Variants in CREB3L4 observed in about 807,000 individuals in gnomAD.
The protein encoded by CREB3L4 is cyclic AMP-responsive element-binding protein 3-like protein 4.
A neutral mutation model predicts 37.0 loss-of-function variants in CREB3L4; 28 were observed. That is an observed-to-expected ratio of 0.76 (90% CI 0.56 to 1.04). The LOEUF is 1.04. Ranked by LOEUF, CREB3L4 falls within the 50% of genes least tolerant of loss-of-function variation. The probability of loss-of-function intolerance (pLI) is 0.00; values close to 1 mark genes in which losing one functional copy is unlikely to be tolerated. For missense variants in CREB3L4, 462 were observed against 486.0 expected, an observed-to-expected ratio of 0.95 and a Z score of 0.46; for synonymous variants, 175 against 192.2, an observed-to-expected ratio of 0.91 and a Z score of 0.74.
At chr1:153,968,409 G>A (rs1404329664) in intron 1 of CREB3L4, 113 bp from the exon 2 acceptor site, 3 of 900,504 alleles carry the variant, frequency 3.3e-6, no homozygotes, top group Non-Finnish European at 5.0e-6. Context: ...TGAGGAAGGA[G>A]TGGGGGGGCG....
chr1:153,972,855 G>T lies in CREB3L4; in HGVS notation c.636+19G>T. On this transcript the variant is annotated intron_variant, in intron 5 of 9. Coordinates refer to ENST00000368607, the MANE Select transcript of CREB3L4 (RefSeq NM_001255978.2). ...CACCAAGGTAACATGCTTCCCCTAA[G>T]GGTATCCCAACCCAGGGGCCTCACC... The T allele has an allele frequency of 6.2e-7, 1 of 1,612,012 alleles. No individual in the cohort carries two copies. The highest frequency in any genetic ancestry group is 1.1e-5 in the South Asian group (1 of 90,976).
At chr1:153,973,779 G>A in intron 9 of CREB3L4, 63 bp downstream of exon 9, 2 of 1,558,442 alleles carry the variant, frequency 1.3e-6, no homozygotes, top group Non-Finnish European at 1.8e-6. Flanking sequence ...TGTTCTCCAA[G>A]GTCGTCAAGA....
intron 2 of CREB3L4, 78 bp downstream of exon 2, chr1:153,968,777 C>T: frequency 1.9e-6 from 3 of 1,583,030 alleles, no homozygotes; most frequent in Non-Finnish European, 2.6e-6. Flanking sequence ...CACTTGGAGA[C>T]AGGTCTGAAA....
chr1:153,973,000 G>A lies in CREB3L4; in HGVS notation c.665G>A (p.Arg222Lys), dbSNP rs1395066625. The A allele has an allele frequency of 6.2e-7, 1 of 1,614,194 alleles. No individual in the cohort carries two copies. The highest frequency in any genetic ancestry group is 1.7e-5 in the Admixed American group (1 of 60,018). Reference sequence around the variant, plus strand: ...GAGGAGAGGGTCCTCAAGAAGGTCAGGAGGAAAATCCGTAACAAGCAGTCA... The same window carrying A: ...GAGGAGAGGGTCCTCAAGAAGGTCAAGAGGAAAATCCGTAACAAGCAGTCA... ...KAEERVLKKV[R>K]RKIRNKQSAQ... The change falls in exon 6 of 10, where the codon AGG becomes AAG. Residue 222 changes from arginine to lysine, a missense_variant. By Grantham distance (26) the Arg-to-Lys change is conservative. Coordinates refer to ENST00000368607, the MANE Select transcript of CREB3L4 (RefSeq NM_001255978.2).
chr1:153,973,816 A>G (rs1194494616), intron 9 of CREB3L4, 56 bp from the exon 10 acceptor site: 2 of 1,580,724 alleles, frequency 1.3e-6, no homozygotes, highest in Non-Finnish European at 1.7e-6. Flanking sequence ...TGTCCTGTCT[A>G]GGGTCTCCCA....
At position 153,969,011 on chromosome 1, in the gene CREB3L4, G is replaced by T; in HGVS notation, c.256G>T (p.Gly86Cys). The change falls in exon 3 of 10, where the codon GGC (glycine) becomes TGC (cysteine). Residue 86 changes from glycine to cysteine, a missense_variant. Transcript: ENST00000368607. ...GGTGTACTGCTCAGAAGCATCTCCTGGCAGTGACAGTGGCATCTCTGAGGA... is the reference window on the plus strand; with the variant it reads ...GGTGTACTGCTCAGAAGCATCTCCTTGCAGTGACAGTGGCATCTCTGAGGA... ...NEVYCSEASPGSDSGISEDPC... is the reference protein window; with the variant it reads ...NEVYCSEASPCSDSGISEDPC... The T allele has an allele frequency of 6.2e-7, 1 of 1,614,166 alleles. No individual in the cohort carries two copies. Among genetic ancestry groups the T allele is most frequent in the East Asian group, 2.2e-5 (1 of 44,896 alleles).
At position 153,973,641 on chromosome 1, in the gene CREB3L4, C is replaced by G. The variant is rs374742421; in HGVS notation, c.919C>G (p.Leu307Val). 11 of 1,611,884 alleles carry G rather than the reference C, an allele frequency of 6.8e-6. No individual in the cohort carries two copies. The African/African-American group carries it at 1.1e-4, about 16-fold the overall frequency. The change falls in exon 9 of 10, where the codon CTC becomes GTC. Residue 307 changes from leucine (L) to valine (V), a missense_variant. Transcript: ENST00000368607. ...CCAGATTCTTCTTTTTTCCCTGGCT[C>G]TCATCATCCTGCCCAGCTTCAGTCC... The part of the protein sequence containing the change: ...CVLILLFSLA[L>V]IILPSFSPFQ...
Position 153,972,947 on chromosome 1 carries a change from GACTCAC to G in CREB3L4, c.637-22_637-17del, listed in dbSNP as rs1648534789. ...AGTTGGGGGCAGGTGAAGGACCCAGGACTCACACATCCTGGGCCTCCAAGGCAGAGG... is the reference window on the plus strand; with the variant it reads ...AGTTGGGGGCAGGTGAAGGACCCAGGACATCCTGGGCCTCCAAGGCAGAGG... On this transcript the variant is annotated intron_variant, in intron 5 of 9. Transcript: ENST00000368607. 1 of 1,610,510 alleles carries G rather than the reference GACTCAC, an allele frequency of 6.2e-7. No homozygotes were observed. The highest frequency in any genetic ancestry group is 8.5e-7 in the Non-Finnish European group (1 of 1,176,816).
chr1:153,973,788 G>C, intron 9 of CREB3L4, 72 bp downstream of exon 9: 1 of 1,561,338 alleles, frequency 6.4e-7, no homozygotes, highest in Non-Finnish European at 8.8e-7. Context: ...AGGTCGTCAA[G>C]AAGCAAGAGG....
Position 153,972,746 on chromosome 1 carries a change from G to A in CREB3L4, c.546G>A (p.Leu182=). The change falls in exon 5 of 10, where the codon CTG becomes CTA. Residue 182 remains leucine (L), a splice_region_variant and synonymous_variant. Coordinates refer to ENST00000368607, the MANE Select transcript of CREB3L4 (RefSeq NM_001255978.2). ...TCTTCTCCTGCCCCTACCCCCAGCTGCCCTGTCAAACCCTGTTCCTGACCG... is the reference window on the plus strand; with the variant it reads ...TCTTCTCCTGCCCCTACCCCCAGCTACCCTGTCAAACCCTGTTCCTGACCG... ...TVAPVPCTTL[L]PCQTLFLTDE... is the part of the protein sequence containing the mutation. 15 of 1,613,310 alleles carry A rather than the reference G, an allele frequency of 9.3e-6. No individual in the cohort carries two copies. Among genetic ancestry groups the A allele is most frequent in the Non-Finnish European group, 1.3e-5 (15 of 1,179,702 alleles).
Position 153,973,183 on chromosome 1 carries a change from C to T in CREB3L4, c.744-12C>T. 1.2e-6 allele frequency: 2 copies of T among 1,613,982 alleles called. No individual in the cohort carries two copies. Among genetic ancestry groups the T allele is most frequent in the Non-Finnish European group, 8.5e-7 (1 of 1,179,950 alleles). On this transcript the variant is annotated splice_polypyrimidine_tract_variant and intron_variant, in intron 6 of 9. Transcript: ENST00000368607. ...AGGTTGCTGAGCCTTGTCCTACCTC[C>T]CTACATTCTAGGGTGGCAGCCTGTT...
In CREB3L4 at chr1:153,973,017, A is replaced by G; in HGVS notation, c.682A>G (p.Lys228Glu). The G allele has an allele frequency of 6.2e-7, 1 of 1,614,174 alleles. No homozygotes were observed. ...GAAGGTCAGGAGGAAAATCCGTAAC[A>G]AGCAGTCAGCTCAGGACAGTCGGCG... ...LKKVRRKIRN[K>E]QSAQDSRRRK... Residue 228 changes from lysine (K) to glutamate (E), a missense_variant, in exon 6 of 10, where the codon AAG (lysine) becomes GAG (glutamate). Physicochemically the swap from Lys to Glu is moderately conservative, Grantham distance 56. Transcript: ENST00000368607.
intron 4 of CREB3L4, among the ~76,000 whole-genome samples, chr1:153,972,322 G>A (rs1177127138): frequency 6.6e-6 from 1 of 152,140 alleles, no homozygotes; most frequent in Non-Finnish European, 1.5e-5. Flanking sequence ...TGAGGTTGAC[G>A]GGCAACTGGA....
Position 153,969,926 on chromosome 1 carries a change from A to ATT in CREB3L4, c.543+490_543+491dup, listed in dbSNP as rs982207975. Among the ~76,000 whole-genome samples, 248 of 117,866 alleles carry ATT rather than the reference A, an allele frequency of 2.1e-3. 5 individuals are homozygous for ATT. The highest frequency in any genetic ancestry group is 5.9e-3 in the Middle Eastern group (1 of 170). The allele number at this position is 117,866 out of a possible 152,430, so 77.3% of individuals were successfully genotyped here. On this transcript the variant is annotated intron_variant, in intron 4 of 9. Transcript: ENST00000368607. The stretch of plus-strand genomic sequence containing the variant: ...CCACTGTGCCCGACTAACATGAACA[A>ATT]TTTTTTTTTTTTTTTTTTTTGAGAC...
chr1:153,973,045 GGAA>G lies in CREB3L4; in HGVS notation c.715_717del (p.Lys239del), dbSNP rs749320152. The G allele has an allele frequency of 1.7e-5, 28 of 1,613,986 alleles. No homozygotes were observed. Among genetic ancestry groups the G allele is most frequent in the Middle Eastern group, 1.6e-4 (1 of 6,084 alleles). Reference sequence around the variant, plus strand: ...CAGTCAGCTCAGGACAGTCGGCGGCGGAAGAAGGAGTACATTGATGGGCTGGAG... The same window carrying G: ...CAGTCAGCTCAGGACAGTCGGCGGCGGAAGGAGTACATTGATGGGCTGGAG... On this transcript the variant is annotated inframe_deletion, in exon 6 of 10. Coordinates refer to ENST00000368607, the MANE Select transcript of CREB3L4 (RefSeq NM_001255978.2).
Position 153,973,266 on chromosome 1 carries a change from G to A in CREB3L4, c.812+3G>A, listed in dbSNP as rs1052550063. 1 of 1,614,002 alleles carries A rather than the reference G, an allele frequency of 6.2e-7. No homozygotes were observed. Among genetic ancestry groups the A allele is most frequent in the Non-Finnish European group, 8.5e-7 (1 of 1,179,962 alleles). ...CAGGAGCTGGAGAGGCACAACATGT[G>A]AGTGAAAGCATTGTGTGTGTATGTG... On this transcript the variant is annotated splice_donor_region_variant and intron_variant, in intron 7 of 9. Coordinates refer to ENST00000368607, the MANE Select transcript of CREB3L4 (RefSeq NM_001255978.2).
At chr1:153,968,461 G>T in intron 1 of CREB3L4, 61 bp from the exon 2 acceptor site, 18 of 1,502,536 alleles carry the variant, frequency 1.2e-5, no homozygotes, top group East Asian at 2.3e-5. Flanking sequence ...GAAACTGTAG[G>T]GGGTAGTAAG....
At chr1:153,969,670 G>C (rs1648152580) in intron 4 of CREB3L4, 1 of 527,786 alleles carries the variant, frequency 1.9e-6, no homozygotes, top group South Asian at 2.1e-5. Flanking sequence ...GAGTGCAGTG[G>C]TGCAATCACG....
At chr1:153,967,610 C>G (rs1452938648), upstream of CREB3L4, 2 of 152,216 alleles carry the variant, frequency 1.3e-5, no homozygotes, top group Non-Finnish European at 2.9e-5. Flanking sequence ...CGTGATCGCA[C>G]CACCGCACTC....
Sources: gnomAD v4.1 joint callset for allele counts (sites outside exome capture counted in the v4.1 genomes callset) on GRCh38, gnomAD v4.1.1 for gene constraint, MANE v1.5 for transcripts, NCBI Gene and HGNC (gene_info 2026-07-23, HGNC 2026-07-21) for gene names.